Variants in USP36 observed in about 807,000 individuals in gnomAD.
USP36 encodes ubiquitin carboxyl-terminal hydrolase 36.
USP36 carries 59 observed loss-of-function variants against 111.5 expected under a neutral mutation model. The ratio of observed to expected loss-of-function variants is 0.53; its 90% CI spans 0.43 to 0.66. The LOEUF (loss-of-function observed/expected upper bound fraction) is 0.66, where lower values mean the gene tolerates loss of function less well. Ranked by LOEUF, USP36 falls within the 30% of genes least tolerant of loss-of-function variation. The pLI, the probability that USP36 is intolerant of heterozygous loss-of-function variation, is 0.00. For missense variants in USP36, 1,488 were observed against 1,468.0 expected, an observed-to-expected ratio of 1.01 and a Z score of -0.22; for synonymous variants, 628 against 581.0, an observed-to-expected ratio of 1.08 and a Z score of -1.16.
chr17:78,836,155 G>A lies in USP36; in HGVS notation c.209C>T (p.Ala70Val). 6.2e-7 allele frequency: 1 copy of A among 1,613,980 alleles called. No homozygotes were observed. The highest frequency in any genetic ancestry group is 8.5e-7 in the Non-Finnish European group (1 of 1,180,026). ...GTCATCTCCACTCTTGTGGCGACTAGCTCCCTCTGTTTTGGGGTTGAGCAA... is the reference window on the plus strand; with the variant it reads ...GTCATCTCCACTCTTGTGGCGACTAACTCCCTCTGTTTTGGGGTTGAGCAA... ...YVLLNPKTEG[A>V]SRHKSGDDPP... The change falls in exon 3 of 21, where the codon GCT becomes GTT. Residue 70 changes from alanine to valine, a missense_variant. Transcript: ENST00000449938.
chr17:78,818,241 C>T (rs909066894), intron 10 of USP36, among the ~76,000 whole-genome samples: 2 of 152,204 alleles, frequency 1.3e-5, no homozygotes, highest in Non-Finnish European at 2.9e-5. Flanking sequence ...GCTCATCACA[C>T]TCATCTGGAG....
intron 13 of USP36, among the ~76,000 whole-genome samples, chr17:78,809,814 G>A (rs1356000177): frequency 3.9e-5 from 6 of 151,924 alleles, no homozygotes; most frequent in Non-Finnish European, 8.8e-5. Flanking sequence ...TTGGAGATGG[G>A]GTTTTGGAGA....
rs147153153 is a variant in USP36, at chr17:78,806,142, G to A, written c.2216+14C>T. ...AACCAGTTGGCACCCAGAAGATCCC[G>A]GCCCAAAGCTTACCTGGCTCTATGG... On this transcript the variant is annotated intron_variant, in intron 15 of 20. Coordinates refer to ENST00000449938, the MANE Select transcript of USP36 (RefSeq NM_001385174.1). 4.4e-4 allele frequency: 707 copies of A among 1,612,690 alleles called. 8 individuals are homozygous for A. The African/African-American group carries it at 8.2e-3, about 19-fold the overall frequency.
Position 78,807,482 on chromosome 17 carries a change from G to A in USP36, c.1562C>T (p.Thr521Ile), listed in dbSNP as rs750095438. The change falls in exon 14 of 21, where the codon ACA becomes ATA. Residue 521 changes from threonine to isoleucine, a missense_variant. By Grantham distance (89) the Thr-to-Ile change is moderately conservative. Around this residue, in one of 3 missense-constraint regions of USP36, gnomAD observed 1,073 missense variants for 994.1 expected, o/e 1.08. Coordinates refer to ENST00000449938, the MANE Select transcript of USP36 (RefSeq NM_001385174.1). ...TAGGATGGTTGGCATGTGTGTGGGT[G>A]TCTGGGAGAGTTTGGGGGAAGGGGA... is the stretch of plus-strand genomic sequence containing the variant. ...SGSPSPKLSQ[T>I]PTHMPTILDD... 4 of 1,614,070 alleles carry A rather than the reference G, an allele frequency of 2.5e-6. No homozygotes were observed. Among genetic ancestry groups the A allele is most frequent in the Non-Finnish European group, 3.4e-6 (4 of 1,179,952 alleles).
intron 2 of USP36, among the ~76,000 whole-genome samples, chr17:78,837,877 G>T (rs559611462): frequency 1.3e-5 from 2 of 152,250 alleles, no homozygotes; most frequent in South Asian, 4.1e-4. Context: ...TTATCACTGT[G>T]GATCATCTAA....
chr17:78,834,724 C>T (rs925563036), intron 4 of USP36, among the ~76,000 whole-genome samples: 2 of 152,106 alleles, frequency 1.3e-5, no homozygotes, highest in Non-Finnish European at 2.9e-5. Context: ...CCACCGTGCC[C>T]GGCCTTGATT....
rs1255398037 is a variant in USP36, at chr17:78,798,155, C to T, written c.*20+245G>A. The T allele has an allele frequency of 1.9e-6, 1 of 517,064 alleles. No individual in the cohort carries two copies. Among genetic ancestry groups the T allele is most frequent in the African/African-American group, 2.0e-5 (1 of 50,480 alleles). The allele number at this position is 517,064 out of a possible 1,614,324, so 32.0% of individuals were successfully genotyped here. ...CCACACCCAACACACACTACACACA[C>T]CCCCTTATACACACGCATCCCACAC... On this transcript the variant is annotated intron_variant, in intron 20 of 20. Transcript: ENST00000449938. The surrounding 1 kb of genome is among the most constrained non-coding windows in gnomAD (Gnocchi z 5.1).
In USP36 at chr17:78,804,671, T is replaced by G. The variant is rs370835613; in HGVS notation, c.2217-693A>C. ...AAAAAAAAGCAAGCCAACACGTGAT[T>G]TTAAAAGTCAAAAAAAAAATTTTTT... is the stretch of plus-strand genomic sequence containing the variant. On this transcript the variant is annotated intron_variant, in intron 15 of 20. Coordinates refer to ENST00000449938, the MANE Select transcript of USP36 (RefSeq NM_001385174.1). 3.4e-5 allele frequency among the ~76,000 whole-genome samples: 5 copies of G among 147,924 alleles called. No individual in the cohort carries two copies. The East Asian group carries it at 9.8e-4, about 29-fold the overall frequency.
Position 78,803,349 on chromosome 17 carries a change from A to G in USP36, c.2810+36T>C. 1 of 1,579,970 alleles carries G rather than the reference A, an allele frequency of 6.3e-7. No homozygotes were observed. Among genetic ancestry groups the G allele is most frequent in the Non-Finnish European group, 8.6e-7 (1 of 1,157,110 alleles). On this transcript the variant is annotated intron_variant, in intron 16 of 20. Coordinates refer to ENST00000449938, the MANE Select transcript of USP36 (RefSeq NM_001385174.1). This position sits in a 1 kb window ranked among gnomAD's most constrained non-coding sequence, Gnocchi z 4.6. ...CTGTGGTTTTGCTTTGTTTCTCGTC[A>G]GAGGTAGACAGATGCCACTTTGCTC... is the stretch of plus-strand genomic sequence containing the variant.
At chr17:78,809,762 A>G (rs1163308697) in intron 13 of USP36, among the ~76,000 whole-genome samples, 1 of 151,974 alleles carries the variant, frequency 6.6e-6, no homozygotes, top group African/African-American at 2.4e-5. Flanking sequence ...AGCTGGGACA[A>G]CAGACGTGCA....
At chr17:78,790,490 ACTATGTTAGCCAGG>A (rs2093574610) in intron 3 of USP36, among the ~76,000 whole-genome samples, 1 of 151,844 alleles carries the variant, frequency 6.6e-6, no homozygotes, top group Admixed American at 6.6e-5. Context: ...ACAGGGTTTC[ACTATGTTAGCCAGG>A]CTGGTTTTGA....
intron 4 of USP36, among the ~76,000 whole-genome samples, 197 bp from the exon 5 acceptor site, chr17:78,829,204 A>G (rs1466608292): frequency 6.6e-6 from 1 of 152,228 alleles, no homozygotes; most frequent in South Asian, 2.1e-4. Context: ...TCTCTGCTGG[A>G]TGGCGTTTGG....
chr17:78,804,455 G>A (rs1487480996), intron 15 of USP36, among the ~76,000 whole-genome samples: 10 of 126,684 alleles, frequency 7.9e-5, no homozygotes, highest in East Asian at 2.3e-4. Context: ...GCAAGACTCC[G>A]TCTCAAAAAA....
chr17:78,814,325 G>C, intron 11 of USP36, 87 bp downstream of exon 11: 2 of 1,531,732 alleles, frequency 1.3e-6, no homozygotes, highest in Non-Finnish European at 1.8e-6. Flanking sequence ...TTTTCACAAA[G>C]TAAGTGCTCT....
chr17:78,812,240 A>C (rs1173835885), intron 13 of USP36, among the ~76,000 whole-genome samples: 1 of 152,166 alleles, frequency 6.6e-6, no homozygotes, highest in Non-Finnish European at 1.5e-5. Context: ...GTGCACACAG[A>C]AAGTTTGCTT....
At chr17:78,805,680 C>G (rs1278263202) in intron 15 of USP36, among the ~76,000 whole-genome samples, 2 of 152,240 alleles carry the variant, frequency 1.3e-5, no homozygotes, top group African/African-American at 4.8e-5. Context: ...TGGCAGGTGT[C>G]TGCAGAGGAA....
chr17:78,804,534 T>C (rs1254722209), intron 15 of USP36, among the ~76,000 whole-genome samples: 1 of 137,614 alleles, frequency 7.3e-6, no homozygotes, highest in Admixed American at 7.7e-5. Context: ...GGTGGGTTGA[T>C]AGGTGCAGCA....
chr17:78,836,497 T>C (rs927128686), intron 2 of USP36, 125 bp from the exon 3 acceptor site: 27 of 1,269,914 alleles, frequency 2.1e-5, no homozygotes, highest in Non-Finnish European at 5.3e-6. Context: ...GGATCAGTGA[T>C]CCCCTGGATC....
In USP36 at chr17:78,814,441, G is replaced by A. The variant is rs2094135735; in HGVS notation, c.1135C>T (p.His379Tyr). 3 of 1,614,058 alleles carry A rather than the reference G, an allele frequency of 1.9e-6. No individual in the cohort carries two copies. The highest frequency in any genetic ancestry group is 2.7e-5 in the African/African-American group (2 of 74,924). Reference sequence around the variant, plus strand: ...ACGTAGCAGTAATAGTGCCCGGCATGGCAGCTGTAGCCCGAGTGCACCAGG... The same window carrying A: ...ACGTAGCAGTAATAGTGCCCGGCATAGCAGCTGTAGCCCGAGTGCACCAGG... ...AVLVHSGYSC[H>Y]AGHYYCYVKA... Residue 379 changes from histidine to tyrosine, a missense_variant, in exon 11 of 21, where the codon CAT becomes TAT. By Grantham distance (83) the His-to-Tyr change is moderately conservative. Coordinates refer to ENST00000449938, the MANE Select transcript of USP36 (RefSeq NM_001385174.1).
Sources: allele counts gnomAD v4.1 joint callset (sites outside exome capture counted in the v4.1 genomes callset), GRCh38; gene constraint gnomAD v4.1.1; regional missense constraint gnomAD v4.1.1; non-coding constraint Gnocchi (gnomAD v3.1); transcripts MANE v1.5; gene names NCBI Gene and HGNC (gene_info 2026-07-23, HGNC 2026-07-21).